The following KIF24 variants were observed in gnomAD, a reference collection of about 807,000 sequenced individuals.
The protein encoded by KIF24 is kinesin-like protein KIF24.
KIF24 carries 81 observed loss-of-function variants against 118.9 expected under a neutral mutation model. The ratio of observed to expected loss-of-function variants is 0.68; its 90% CI spans 0.57 to 0.82. The LOEUF (loss-of-function observed/expected upper bound fraction) is 0.82. Among genes scored for constraint, KIF24 ranks in the 40% least tolerant of loss-of-function variants. The pLI is 0.00. For missense variants in KIF24, 1,560 were observed against 1,661.6 expected (o/e 0.94, Z 1.06); for synonymous variants, 599 against 610.0 (o/e 0.98, Z 0.27).
chr9:34,311,708 ACG>A (rs1491147662), intron 1 of KIF24, among the ~76,000 whole-genome samples: 1 of 145,852 alleles, frequency 6.9e-6, no homozygotes, highest in African/African-American at 2.5e-5. Flanking sequence ...GTACATATAT[ACG>A]TATATATGTA....
intron 1 of KIF24, among the ~76,000 whole-genome samples, chr9:34,323,332 C>T (rs980641324): frequency 6.6e-6 from 1 of 152,118 alleles, no homozygotes; most frequent in Non-Finnish European, 1.5e-5. Context: ...CCCTCAAGAG[C>T]CCCACAAAGA....
chr9:34,310,441 T>C (rs1837094657), intron 2 of KIF24, among the ~76,000 whole-genome samples: 2 of 152,210 alleles, frequency 1.3e-5, no homozygotes, highest in South Asian at 4.1e-4. Context: ...TGTTACGCTA[T>C]AATAAACAAT....
At chr9:34,276,342 C>A (rs1389156999) in intron 6 of KIF24, among the ~76,000 whole-genome samples, 1 of 143,010 alleles carries the variant, frequency 7.0e-6, no homozygotes, top group Non-Finnish European at 1.5e-5. Flanking sequence ...GCGGAGGTTG[C>A]AGTGAGCTGA....
rs1837410519 is a variant in KIF24, at chr9:34,318,671, G to A, written c.-25-7300C>T. 1.9e-6 allele frequency: 3 copies of A among 1,541,052 alleles called. No homozygotes were observed. Among genetic ancestry groups the A allele is most frequent in the East Asian group, 4.5e-5 (2 of 43,996 alleles). ...GTCGCTGGGCGGCAAGGCGACCACG[G>A]CGTCGGAGGCCAAGGCAGTGCTGAG... On this transcript the variant is annotated intron_variant, in intron 1 of 12. Coordinates refer to ENST00000402558, the MANE Select transcript of KIF24 (RefSeq NM_194313.4). The surrounding 1 kb of genome is among the most constrained non-coding windows in gnomAD (Gnocchi z 4.9).
At position 34,271,919 on chromosome 9, in the gene KIF24, C is replaced by G; in HGVS notation, c.1227G>C (p.Lys409Asn). ...SVELLLEVIL[K>N]GSKERSTGAT... ...CCCCAGTGCTGCGCTCCTTGCTGCC[C>G]TTTAAGATCACCTGAAAATAAAATC... The change falls in exon 7 of 13, where the codon AAG (lysine) becomes AAC (asparagine). Residue 409 changes from lysine (K) to asparagine (N), a missense_variant. Coordinates refer to ENST00000402558, the MANE Select transcript of KIF24 (RefSeq NM_194313.4). 6.3e-7 allele frequency: 1 copy of G among 1,594,698 alleles called. No individual in the cohort carries two copies. Among genetic ancestry groups the G allele is most frequent in the Non-Finnish European group, 8.5e-7 (1 of 1,169,934 alleles).
Position 34,258,119 on chromosome 9 carries a change from G to A in KIF24, c.1626-138C>T, listed in dbSNP as rs926422367. The A allele has an allele frequency of 1.6e-5, 11 of 681,488 alleles. No homozygotes were observed. The Admixed American group carries it at 3.1e-4, about 19-fold the overall frequency. The allele number at this position is 681,488 out of a possible 1,614,324, so 42.2% of individuals were successfully genotyped here. ...TATTTCTTTATCTGGGATAGAATAA[G>A]AGGAAAAGGGAACATTCTGTTTCAG... is the stretch of plus-strand genomic sequence containing the variant. On this transcript the variant is annotated intron_variant, in intron 10 of 12. Coordinates refer to ENST00000402558, the MANE Select transcript of KIF24 (RefSeq NM_194313.4).
intron 8 of KIF24, among the ~76,000 whole-genome samples, chr9:34,265,181 G>C (rs924786183): frequency 2.0e-5 from 3 of 152,040 alleles, no homozygotes; most frequent in Non-Finnish European, 2.9e-5. Context: ...TTTGCTGTTT[G>C]TTTAAGAGAT....
chr9:34,258,580 C>T (rs533190458), intron 10 of KIF24, among the ~76,000 whole-genome samples: 3 of 152,342 alleles, frequency 2.0e-5, no homozygotes, highest in African/African-American at 7.2e-5. Context: ...ATGTAAGGGA[C>T]AGGCCAGAGA....
chr9:34,316,533 T>C (rs1837335668), intron 1 of KIF24, among the ~76,000 whole-genome samples: 1 of 152,260 alleles, frequency 6.6e-6, no homozygotes, highest in South Asian at 2.1e-4. Flanking sequence ...ATATCCACAA[T>C]GTTACCAACT....
Position 34,282,993 on chromosome 9 carries a change from AG to A in KIF24, c.1215+3623del, listed in dbSNP as rs1587935871. On this transcript the variant is annotated intron_variant, in intron 6 of 12. Coordinates refer to ENST00000402558, the MANE Select transcript of KIF24 (RefSeq NM_194313.4). ...CATGAACCTGGGAAGCAGAGGTTGC[AG>A]TGAACCCAGATCGAGCCATTGCACT... 4.1e-5 allele frequency among the ~76,000 whole-genome samples: 6 copies of A among 145,928 alleles called. No homozygotes were observed. In the East Asian group the frequency reaches 1.2e-3, roughly 30 times the overall value.
rs1304435969 is a variant in KIF24 at position 34,318,312 on chromosome 9, C to T, written c.-25-6941G>A. On this transcript the variant is annotated intron_variant, in intron 1 of 12. Transcript: ENST00000402558. This position sits in a 1 kb window ranked among gnomAD's most constrained non-coding sequence, Gnocchi z 4.9. ...TGTCGCGGCTCGAGAGCGAGACTCC[C>T]GTCTTGGAGCCAGCCCAGCCCAACC... 9 of 571,774 alleles carry T rather than the reference C, an allele frequency of 1.6e-5. No homozygotes were observed. The highest frequency in any genetic ancestry group is 2.0e-5 in the South Asian group (1 of 50,672). The allele number at this position is 571,774 out of a possible 1,614,324, so 35.4% of individuals were successfully genotyped here.
At chr9:34,266,405 G>A (rs1393887632) in intron 8 of KIF24, among the ~76,000 whole-genome samples, 2 of 152,050 alleles carry the variant, frequency 1.3e-5, no homozygotes, top group African/African-American at 4.8e-5. Flanking sequence ...TCAACCAGGC[G>A]CGGTGGCTCA....
At chr9:34,319,199 A>G in intron 1 of KIF24, 2 of 1,604,454 alleles carry the variant, frequency 1.2e-6, no homozygotes, top group Admixed American at 1.7e-5. Context: ...CAAGCTCTCC[A>G]GCCTCATCAT....
chr9:34,309,540 CAAAAAA>C (rs397960934), intron 2 of KIF24, among the ~76,000 whole-genome samples: 2 of 65,242 alleles, frequency 3.1e-5, no homozygotes, highest in East Asian at 6.5e-4. Flanking sequence ...GACTCCGTCT[CAAAAAA>C]AAAAAAAAAA....
At chr9:34,315,978 G>A (rs1484868124) in intron 1 of KIF24, among the ~76,000 whole-genome samples, 1 of 151,434 alleles carries the variant, frequency 6.6e-6, no homozygotes, top group Non-Finnish European at 1.5e-5. Flanking sequence ...GCAGTGAGCT[G>A]AGATTGTGCC....
intron 1 of KIF24, among the ~76,000 whole-genome samples, chr9:34,312,654 T>C (rs918965536): frequency 6.6e-6 from 1 of 152,234 alleles, no homozygotes; most frequent in African/African-American, 2.4e-5. Context: ...AAAGGCTAAA[T>C]GGGCTGAGTA....
intron 6 of KIF24, among the ~76,000 whole-genome samples, chr9:34,278,859 G>A (rs140217767): frequency 5.3e-5 from 8 of 152,290 alleles, no homozygotes; most frequent in African/African-American, 1.9e-4. Flanking sequence ...GCTCATGCCT[G>A]TAATCCCAGC....
Position 34,256,909 on chromosome 9 carries a change from T to C in KIF24, c.2698A>G (p.Asn900Asp), listed in dbSNP as rs1563932670. 6.2e-7 allele frequency: 1 copy of C among 1,613,958 alleles called. No individual in the cohort carries two copies. The highest frequency in any genetic ancestry group is 2.2e-5 in the East Asian group (1 of 44,876). ...KSWVDSRDPI[N>D]HRRAALDHSC... ...TGATCGAGTGCTGCTCTTCTGTGGT[T>C]TATGGGGTCCCTGGAGTCCACCCAG... The change falls in exon 11 of 13, where the codon AAC (asparagine) becomes GAC (aspartate). Residue 900 changes from asparagine to aspartate, a missense_variant. By Grantham distance (23) the Asn-to-Asp change is conservative (BLOSUM62 1). Coordinates refer to ENST00000402558, the MANE Select transcript of KIF24 (RefSeq NM_194313.4).
intron 4 of KIF24, among the ~76,000 whole-genome samples, chr9:34,290,765 A>G (rs1473035244): frequency 6.6e-6 from 1 of 151,830 alleles, no homozygotes; most frequent in East Asian, 1.9e-4. Flanking sequence ...ATACCGGGCT[A>G]ATTTTTGTAT....
Sources: gnomAD v4.1 joint callset for allele counts (sites outside exome capture counted in the v4.1 genomes callset) on GRCh38, gnomAD v4.1.1 for gene constraint, Gnocchi (gnomAD v3.1) non-coding constraint, MANE v1.5 for transcripts, NCBI Gene and HGNC (gene_info 2026-07-23, HGNC 2026-07-21) for gene names.